SLC38A4: variants seen among roughly 807,000 people sequenced by gnomAD.
SLC38A4 encodes the protein solute carrier family 38 member 4, also known as sodium-coupled neutral amino acid transporter 4.
Under a neutral mutation model 63.1 loss-of-function variants are expected in SLC38A4, and 20 were observed. The observed-to-expected ratio is 0.32, with a 90% CI of 0.22 to 0.46. The LOEUF is 0.46. Ranked by LOEUF, SLC38A4 falls within the 20% of genes least tolerant of loss-of-function variation. The pLI, the probability that SLC38A4 is intolerant of heterozygous loss-of-function variation, is 1.00. For missense variants in SLC38A4, 526 were observed against 663.6 expected (o/e 0.79, Z 2.28); for synonymous variants, 230 against 225.5 (o/e 1.02, Z -0.18).
At chr12:46,787,880 C>A in intron 5 of SLC38A4, 36 bp downstream of exon 5, 1 of 1,498,734 alleles carries the variant, frequency 6.7e-7, no homozygotes, top group Non-Finnish European at 9.3e-7. Context: ...TATGCATGGA[C>A]TTCATCACCA....
intron 7 of SLC38A4, 34 bp downstream of exon 7, chr12:46,784,508 T>C: frequency 6.5e-7 from 1 of 1,549,104 alleles, no homozygotes; most frequent in Non-Finnish European, 8.8e-7. Flanking sequence ...CTATAGAAAG[T>C]TTATGGGATC....
intron 1 of SLC38A4, among the ~76,000 whole-genome samples, chr12:46,809,450 G>C (rs949280552): frequency 2.6e-5 from 4 of 152,158 alleles, no homozygotes; most frequent in African/African-American, 4.8e-5. Context: ...TAGAGAAGAG[G>C]GCAGGCTTCT....
chr12:46,768,261 G>C, intron 16 of SLC38A4, 49 bp downstream of exon 16: 1 of 1,317,000 alleles, frequency 7.6e-7, no homozygotes, highest in Non-Finnish European at 1.1e-6. Context: ...TTTATTCTAA[G>C]TAGTTGGAAG....
intron 1 of SLC38A4, among the ~76,000 whole-genome samples, chr12:46,819,730 T>A (rs374202050): frequency 1.8e-4 from 28 of 151,920 alleles, no homozygotes; most frequent in African/African-American, 5.3e-4. Flanking sequence ...TTCATTACAC[T>A]ATTCTCTGTA....
At chr12:46,824,289 A>C (rs1159260061) in intron 1 of SLC38A4, 1 of 152,196 alleles carries the variant, frequency 6.6e-6, no homozygotes, top group Non-Finnish European at 1.5e-5. Flanking sequence ...TTTATACCTT[A>C]TTGTCTAAGT....
intron 2 of SLC38A4, among the ~76,000 whole-genome samples, chr12:46,799,130 A>G (rs1396754564): frequency 6.6e-6 from 1 of 152,142 alleles, no homozygotes; most frequent in Non-Finnish European, 1.5e-5. Context: ...AGTAATCAGA[A>G]TTGAATTGAT....
Position 46,793,065 on chromosome 12 carries a change from G to A in SLC38A4, c.7C>T (p.Pro3Ser), listed in dbSNP as rs868779178. The A allele has an allele frequency of 6.2e-7, 1 of 1,611,952 alleles. No homozygotes were observed. The highest frequency in any genetic ancestry group is 1.3e-5 in the African/African-American group (1 of 74,896). MD[P>S]MELRNVNIEP... is the part of the protein sequence containing the mutation. ...ATGTTGACATTTCTCAGTTCCATGG[G>A]ATCCATTTGAGCTGTCAGCGCTTTC... The change falls in exon 3 of 17, where the codon CCC (proline) becomes TCC (serine). Residue 3 changes from proline to serine, a missense_variant. Coordinates refer to ENST00000266579, the MANE Select transcript of SLC38A4 (RefSeq NM_018018.5).
chr12:46,830,305 C>CTT (rs1939713585), upstream of SLC38A4, among the ~76,000 whole-genome samples: 1 of 124,760 alleles, frequency 8.0e-6, no homozygotes, highest in African/African-American at 3.3e-5. Context: ...CTCTCACACA[C>CTT]ACACACACAC....
At chr12:46,826,787 C>G (rs565175301), upstream of SLC38A4, among the ~76,000 whole-genome samples, 1 of 152,170 alleles carries the variant, frequency 6.6e-6, no homozygotes, top group African/African-American at 2.4e-5. Context: ...AGCTTATACT[C>G]TTAATCATGT....
chr12:46,793,126 T>C lies in SLC38A4; in HGVS notation c.-55A>G. On this transcript the variant is annotated 5_prime_UTR_variant, in exon 3 of 17. Coordinates refer to ENST00000266579, the MANE Select transcript of SLC38A4 (RefSeq NM_018018.5). ...ACAAGCCCCTTCAGTGTAAATAATA[T>C]ACTGTACCTTCAGCTTAAGGTTCTT... The C allele has an allele frequency of 8.1e-7, 1 of 1,239,178 alleles. No individual in the cohort carries two copies. Among genetic ancestry groups the C allele is most frequent in the Non-Finnish European group, 1.2e-6 (1 of 842,990 alleles). 76.8% of individuals were successfully genotyped at this position (1,239,178 alleles called of 1,614,324 possible). A position where few individuals can be genotyped will look rare whatever the true frequency, so the allele number is the denominator to read the frequency against.
At chr12:46,798,953 A>G (rs891283843) in intron 2 of SLC38A4, among the ~76,000 whole-genome samples, 1 of 152,176 alleles carries the variant, frequency 6.6e-6, no homozygotes, top group Non-Finnish European at 1.5e-5. Context: ...GAAACTGGGT[A>G]TAAATCCTGG....
chr12:46,831,948 C>CACGGAA (rs1939737510), intron 1 of SLC38A4, among the ~76,000 whole-genome samples: 3 of 152,030 alleles, frequency 2.0e-5, no homozygotes, highest in African/African-American at 7.3e-5. Context: ...GCGGAGGTGC[C>CACGGAA]CCATACCCCA....
At chr12:46,773,857 A>T (rs1938470717) in intron 14 of SLC38A4, among the ~76,000 whole-genome samples, 1 of 152,114 alleles carries the variant, frequency 6.6e-6, no homozygotes, top group Admixed American at 6.6e-5. Flanking sequence ...CTTTGATTCT[A>T]CAATGATGTG....
intron 2 of SLC38A4, among the ~76,000 whole-genome samples, chr12:46,800,052 T>C (rs1465492494): frequency 6.6e-6 from 1 of 152,164 alleles, no homozygotes; most frequent in Non-Finnish European, 1.5e-5. Context: ...ACACTGTAAT[T>C]GAAACATAAA....
chr12:46,798,890 A>G (rs1939072459), intron 2 of SLC38A4, among the ~76,000 whole-genome samples: 1 of 152,146 alleles, frequency 6.6e-6, no homozygotes, highest in Admixed American at 6.5e-5. Context: ...CATCTCTACT[A>G]CAGAGAACTA....
At chr12:46,769,914 T>A (rs1200041707) in intron 14 of SLC38A4, among the ~76,000 whole-genome samples, 6 of 152,124 alleles carry the variant, frequency 3.9e-5, no homozygotes, top group African/African-American at 1.4e-4. Context: ...CAAAATTGCC[T>A]AAAGATGCAT....
chr12:46,803,649 A>T lies in SLC38A4; in HGVS notation c.-159T>A, dbSNP rs1939175106. 6.6e-6 allele frequency: 1 copy of T among 152,016 alleles called. No homozygotes were observed. Among genetic ancestry groups the T allele is most frequent in the Admixed American group, 6.6e-5 (1 of 15,222 alleles). 9.4% of individuals were successfully genotyped at this position (152,016 alleles called of 1,614,324 possible). ...GTGCAGGCTTTCCTGACTTGTTTGG[A>T]ATGGCAGACCCGTGTAACAGCTTTG... On this transcript the variant is annotated 5_prime_UTR_variant, in exon 2 of 17. Coordinates refer to ENST00000266579, the MANE Select transcript of SLC38A4 (RefSeq NM_018018.5).
intron 13 of SLC38A4, 90 bp from the exon 14 acceptor site, chr12:46,775,263 C>CG (rs1938499840): frequency 1.4e-6 from 2 of 1,476,720 alleles, no homozygotes; most frequent in Admixed American, 2.2e-5. Flanking sequence ...GAACACAGAA[C>CG]AGAGGAAAAG....
intron 1 of SLC38A4, among the ~76,000 whole-genome samples, chr12:46,813,785 C>T (rs372256682): frequency 4.1e-4 from 62 of 152,072 alleles, no homozygotes; most frequent in East Asian, 3.7e-3. Context: ...CCTCAGTTTC[C>T]GCATCTACAA....
Sources: allele counts gnomAD v4.1 joint callset (sites outside exome capture counted in the v4.1 genomes callset), GRCh38; gene constraint gnomAD v4.1.1; transcripts MANE v1.5; gene names NCBI Gene and HGNC (gene_info 2026-07-23, HGNC 2026-07-21).